GALK2: variants seen among roughly 807,000 people sequenced by gnomAD.
GALK2 encodes galactokinase 2.
A neutral mutation model predicts 52.4 loss-of-function variants in GALK2; 36 were observed. The observed-to-expected ratio is 0.69, with a 90% confidence interval of 0.53 to 0.91. The LOEUF is 0.91. Ranked by LOEUF, GALK2 falls within the 40% of genes least tolerant of loss-of-function variation. The pLI is 0.00. For synonymous variants in GALK2, 176 were observed against 199.1 expected (o/e 0.88, Z 0.98); for missense variants, 579 against 559.1 (o/e 1.04, Z -0.36).
intron 3 of GALK2, among the ~76,000 whole-genome samples, chr15:49,355,545 GAAT>G (rs1275553211): frequency 1.3e-5 from 2 of 152,096 alleles, no homozygotes; most frequent in African/African-American, 4.8e-5. Flanking sequence ...AGAGAAAAAA[GAAT>G]AAAAAGAAAT....
chr15:49,320,002 T>A (rs1334757697), intron 9 of GALK2, among the ~76,000 whole-genome samples, 197 bp downstream of exon 9: 1 of 152,210 alleles, frequency 6.6e-6, no homozygotes, highest in African/African-American at 2.4e-5. Flanking sequence ...CCTGGCTCCA[T>A]GATTTTATGA....
intron 5 of GALK2, among the ~76,000 whole-genome samples, chr15:49,258,823 TGTGTGTGA>T (rs1163766127): frequency 2.1e-5 from 3 of 140,106 alleles, no homozygotes; most frequent in Non-Finnish European, 4.6e-5. Context: ...TGTGTGTGTG[TGTGTGTGA>T]GAGAGAGAGA....
intron 5 of GALK2, among the ~76,000 whole-genome samples, chr15:49,241,672 GA>G (rs1446591903): frequency 6.6e-6 from 1 of 152,162 alleles, no homozygotes; most frequent in Non-Finnish European, 1.5e-5. Flanking sequence ...GTGATGCATA[GA>G]AAAAGATAAT....
intron 3 of GALK2, among the ~76,000 whole-genome samples, chr15:49,364,348 G>T (rs1050665469): frequency 7.9e-5 from 12 of 152,052 alleles, no homozygotes; most frequent in Non-Finnish European, 1.8e-4. Flanking sequence ...TTAGTAGGTT[G>T]TATGTTCCAG....
intron 5 of GALK2, among the ~76,000 whole-genome samples, chr15:49,280,328 G>A (rs565698751): frequency 2.0e-4 from 30 of 152,308 alleles, no homozygotes; most frequent in African/African-American, 6.7e-4. Context: ...CAGGTTCCAC[G>A]GCAAGGTGCT....
intron 3 of GALK2, among the ~76,000 whole-genome samples, chr15:49,356,057 A>C (rs1164663464): frequency 6.7e-6 from 1 of 149,792 alleles, no homozygotes; most frequent in South Asian, 2.1e-4. Context: ...TTTTCTCACC[A>C]ACAGGCCTGC....
intron 3 of GALK2, chr15:49,366,329 A>G: frequency 2.5e-6 from 2 of 786,662 alleles, no homozygotes; most frequent in Admixed American, 1.7e-5. Flanking sequence ...AGGAAATAGG[A>G]TACTGTTATT....
intron 1 of GALK2, among the ~76,000 whole-genome samples, chr15:49,184,834 A>G (rs77362046): frequency 0.068 from 10,320 of 152,108 alleles, 736 homozygotes; most frequent in African/African-American, 0.17. Context: ...AAGTTATTGT[A>G]GTTATTATTT....
At chr15:49,161,219 G>A (rs896998725) in intron 1 of GALK2, among the ~76,000 whole-genome samples, 2 of 152,124 alleles carry the variant, frequency 1.3e-5, no homozygotes, top group East Asian at 1.9e-4. Flanking sequence ...CTGGGTGAAC[G>A]GCAGCTAAAT....
At position 49,201,234 on chromosome 15, in the gene GALK2, AAG is replaced by A. The variant is rs763844076; in HGVS notation, c.129_130del (p.Arg43SerfsTer51). 2 of 1,602,464 alleles carry A rather than the reference AAG, an allele frequency of 1.2e-6. No individual in the cohort carries two copies. Among genetic ancestry groups the A allele is most frequent in the African/African-American group, 2.7e-5 (2 of 74,676 alleles). On this transcript the variant is annotated frameshift_variant, in exon 2 of 10. Coordinates refer to ENST00000560031, the MANE Select transcript of GALK2 (RefSeq NM_002044.4). LOFTEE classifies it high-confidence loss of function. ...CCAAGTTTTATGTTCGAGCACCAGG[AAG>A]AGTCAACATAATAGGTATTTCAAAA... ...IPKFYVRAPG[R>X]VNIIGEHIDY... is the part of the protein sequence containing the mutation.
intron 4 of GALK2, among the ~76,000 whole-genome samples, chr15:49,237,320 G>A (rs1321941569): frequency 3.3e-5 from 5 of 152,238 alleles, no homozygotes; most frequent in Admixed American, 2.6e-4. Flanking sequence ...GAAAGTTTCA[G>A]AGAATAATTC....
At chr15:49,192,511 A>ATATATATATATATATG (rs2086840131) in intron 1 of GALK2, among the ~76,000 whole-genome samples, 1 of 139,172 alleles carries the variant, frequency 7.2e-6, no homozygotes. Context: ...ATATATATAT[A>ATATATATATATATATG]TATATATATA....
chr15:49,311,642 A>G (rs914289629), intron 8 of GALK2, among the ~76,000 whole-genome samples: 3 of 152,188 alleles, frequency 2.0e-5, no homozygotes, highest in Admixed American at 2.0e-4. Context: ...TCCTATGTGG[A>G]TGTAATGATT....
intron 3 of GALK2, among the ~76,000 whole-genome samples, chr15:49,350,736 C>A (rs1333386956): frequency 6.6e-6 from 1 of 152,186 alleles, no homozygotes; most frequent in African/African-American, 2.4e-5. Flanking sequence ...CCCTAACACA[C>A]AGGAAGCTTC....
chr15:49,231,146 G>A (rs539657780), intron 3 of GALK2, among the ~76,000 whole-genome samples: 1 of 152,230 alleles, frequency 6.6e-6, no homozygotes, highest in East Asian at 1.9e-4. Context: ...GGTATAAATG[G>A]CTCATGATTC....
intron 5 of GALK2, among the ~76,000 whole-genome samples, chr15:49,262,551 T>G (rs1013027651): frequency 2.6e-5 from 4 of 152,232 alleles, no homozygotes; most frequent in African/African-American, 9.7e-5. Flanking sequence ...TGAAGGGTTT[T>G]TTGTGTCTCC....
intron 1 of GALK2, among the ~76,000 whole-genome samples, chr15:49,198,633 G>A (rs187067878): frequency 6.6e-6 from 1 of 151,780 alleles, no homozygotes; most frequent in African/African-American, 2.4e-5. Context: ...AGTTTTTTTG[G>A]TATCTTTTAA....
At chr15:49,241,166 A>G (rs532543969) in intron 5 of GALK2, among the ~76,000 whole-genome samples, 45 of 152,236 alleles carry the variant, frequency 3.0e-4, no homozygotes, top group African/African-American at 1.0e-3. Context: ...CTGTGGGCAT[A>G]CTGATGGAGT....
In GALK2 at chr15:49,284,940, A is replaced by G. The variant is rs535404406; in HGVS notation, c.756+1222A>G. 2.2e-4 allele frequency among the ~76,000 whole-genome samples: 33 copies of G among 152,214 alleles called. No homozygotes were observed. The South Asian group carries it at 6.8e-3, about 32-fold the overall frequency. On this transcript the variant is annotated intron_variant, in intron 7 of 9. Coordinates refer to ENST00000560031, the MANE Select transcript of GALK2 (RefSeq NM_002044.4). Reference sequence around the variant, plus strand: ...CTTTCTATCAGACTCCACCTATTCTAGTATTTTGTATTAGAAAAGTCTACC... The same window carrying G: ...CTTTCTATCAGACTCCACCTATTCTGGTATTTTGTATTAGAAAAGTCTACC...
Sources: gnomAD v4.1 joint callset for allele counts (sites outside exome capture counted in the v4.1 genomes callset) on GRCh38, gnomAD v4.1.1 for gene constraint, MANE v1.5 for transcripts, NCBI Gene and HGNC (gene_info 2026-07-23, HGNC 2026-07-21) for gene names.